The following CYB5R2 variants were observed in gnomAD, a reference collection of about 807,000 sequenced individuals.
The protein encoded by CYB5R2 is cytochrome b5 reductase 2, also known as NADH-cytochrome b5 reductase 2.
In CYB5R2, 35 loss-of-function variants were observed where a neutral mutation model predicts 29.8. That is an observed-to-expected ratio of 1.17 (90% CI 0.90 to 1.56). The LOEUF is 1.56. Among genes scored for constraint, CYB5R2 ranks in the 40% most tolerant of loss-of-function variants. The pLI is 0.00. For missense variants in CYB5R2, 419 were observed against 346.7 expected (o/e 1.21, Z -1.66); for synonymous variants, 169 against 130.6 (o/e 1.29, Z -2.01).
At chr11:7,667,669 A>T in intron 7 of CYB5R2, 59 bp downstream of exon 7, 2 of 1,473,684 alleles carry the variant, frequency 1.4e-6, no homozygotes, top group African/African-American at 2.8e-5. Flanking sequence ...AGAAATGAAA[A>T]CAAGAGCCCA....
chr11:7,668,390 ATGT>A lies in CYB5R2; in HGVS notation c.472+85_472+87del, dbSNP rs1351297905. On this transcript the variant is annotated intron_variant, in intron 6 of 8. Coordinates refer to ENST00000299498, the MANE Select transcript of CYB5R2 (RefSeq NM_016229.5). The stretch of plus-strand genomic sequence containing the variant: ...TCTACAGCTGGAGGCGAAATCTCTC[ATGT>A]TGTCCCTTAGAGGATCAAATGACTC... The A allele has an allele frequency of 6.8e-6, 7 of 1,032,570 alleles. No individual in the cohort carries two copies. The Admixed American group carries it at 8.4e-5, about 12-fold the overall frequency. The allele number at this position is 1,032,570 out of a possible 1,614,324, so 64.0% of individuals were successfully genotyped here. A position where few individuals can be genotyped will look rare whatever the true frequency, so the allele number is the denominator to read the frequency against.
intron 8 of CYB5R2, chr11:7,666,085 G>A (rs1320100336): frequency 6.2e-6 from 4 of 647,622 alleles, no homozygotes; most frequent in Non-Finnish European, 1.1e-5. Flanking sequence ...GGTAAGGGGT[G>A]TGGTGGCCGT....
At chr11:7,665,848 GCCAGCTGGAGTTGT>G in intron 8 of CYB5R2, 1 of 1,535,892 alleles carries the variant, frequency 6.5e-7, no homozygotes, top group Non-Finnish European at 8.7e-7. Flanking sequence ...AATCAGTACA[GCCAGCTGGAGTTGT>G]CCGGCAGGGT....
rs1263267734 is a variant in CYB5R2 at position 7,669,309 on chromosome 11, T to C, written c.284A>G (p.Gln95Arg). 2.5e-6 allele frequency: 4 copies of C among 1,613,554 alleles called. No homozygotes were observed. In the East Asian group the frequency reaches 8.9e-5, roughly 36 times the overall value. The change falls in exon 5 of 9, where the codon CAA (glutamine) becomes CGA (arginine). Residue 95 changes from glutamine (Q) to arginine (R), a missense_variant. Coordinates refer to ENST00000299498, the MANE Select transcript of CYB5R2 (RefSeq NM_016229.5). ...AGTCATCTTCCCACCTTCAGGATATTGGGGGTGTACATTTTTGAAGTAGAT... is the reference window on the plus strand; with the variant it reads ...AGTCATCTTCCCACCTTCAGGATATCGGGGGTGTACATTTTTGAAGTAGAT... ...IKIYFKNVHP[Q>R]YPEGGKMTQY...
At chr11:7,672,347 G>A (rs1280575123) in intron 3 of CYB5R2, 104 bp downstream of exon 3, 2 of 914,264 alleles carry the variant, frequency 2.2e-6, no homozygotes, top group Non-Finnish European at 1.7e-6. Context: ...GAGCAAGAGG[G>A]CATCTTCCAC....
At position 7,665,249 on chromosome 11, in the gene CYB5R2, C is replaced by G. The variant is rs1855034426; in HGVS notation, c.*125G>C. The G allele has an allele frequency of 1.2e-6, 1 of 813,704 alleles. No homozygotes were observed. Among genetic ancestry groups the G allele is most frequent in the South Asian group, 2.1e-5 (1 of 47,440 alleles). The allele number at this position is 813,704 out of a possible 1,614,324, so 50.4% of individuals were successfully genotyped here. On this transcript the variant is annotated 3_prime_UTR_variant, in exon 9 of 9. Transcript: ENST00000299498. The stretch of plus-strand genomic sequence containing the variant: ...TAGGCCCACACCCAAAAGAGGAGAA[C>G]CAGTGTGTGCGCGAAGGTACATGGC...
chr11:7,665,851 A>C, intron 8 of CYB5R2: 6 of 1,536,014 alleles, frequency 3.9e-6, no homozygotes, highest in Non-Finnish European at 5.2e-6. Flanking sequence ...CAGTACAGCC[A>C]GCTGGAGTTG....
chr11:7,667,864 C>T, intron 6 of CYB5R2, 51 bp from the exon 7 acceptor site: 1 of 1,452,254 alleles, frequency 6.9e-7, no homozygotes, highest in Non-Finnish European at 9.7e-7. Flanking sequence ...CTGAAGCCCA[C>T]AGTCCCTGAC....
upstream of CYB5R2, chr11:7,673,523 C>T (rs565241794): frequency 2.0e-6 from 2 of 985,714 alleles, no homozygotes; most frequent in South Asian, 4.7e-5. Context: ...TCCGAGCCGG[C>T]CCGCCCCACT....
chr11:7,674,164 T>C, upstream of CYB5R2: 2 of 1,235,338 alleles, frequency 1.6e-6, no homozygotes, highest in Non-Finnish European at 2.1e-6. Context: ...CGGAGGGGGA[T>C]GCTGGGGAAG....
rs759458174 is a variant in CYB5R2 at position 7,665,346 on chromosome 11, A to T, written c.*28T>A. ...TACTCTGAAACAGATGAAAAGGGAC[A>T]TGCAAAATTGCTGAGCACGTGGAGG... On this transcript the variant is annotated 3_prime_UTR_variant, in exon 9 of 9. Transcript: ENST00000299498. The T allele has an allele frequency of 1.1e-5, 16 of 1,473,676 alleles. No homozygotes were observed. The highest frequency in any genetic ancestry group is 1.4e-5 in the Non-Finnish European group (16 of 1,103,660). 91.3% of individuals were successfully genotyped at this position (1,473,676 alleles called of 1,614,324 possible).
chr11:7,665,538 A>G lies in CYB5R2; in HGVS notation c.667T>C (p.Tyr223His). The G allele has an allele frequency of 6.2e-7, 1 of 1,602,986 alleles. No individual in the cohort carries two copies. The highest frequency in any genetic ancestry group is 8.5e-7 in the Non-Finnish European group (1 of 1,175,914). ...TLDRPPIGWKYSSGFVTADMI... is the reference protein window; with the variant it reads ...TLDRPPIGWKHSSGFVTADMI... ...TCGGCAGTAACGAAGCCTGAGCTGT[A>G]CTTCCAGCCTGAAATGAAGGAGATG... The change falls in exon 9 of 9, where the codon TAC (tyrosine) becomes CAC (histidine). Residue 223 changes from tyrosine to histidine, a missense_variant. Transcript: ENST00000299498.
chr11:7,665,728 A>G (rs11041522), intron 8 of CYB5R2, 182 bp from the exon 9 acceptor site: 466,363 of 1,202,134 alleles, frequency 0.39, 96,138 homozygotes, highest in Non-Finnish European at 0.43. Flanking sequence ...CTCTGCAGCA[A>G]TCACCCCAGG....
At chr11:7,668,776 T>TCGC (rs1334431673) in intron 5 of CYB5R2, 7 of 607,314 alleles carry the variant, frequency 1.2e-5, no homozygotes, top group Non-Finnish European at 1.8e-5. Context: ...GGTCGGGGAA[T>TCGC]CGCCGGGCCT....
rs1442234910 is a variant in CYB5R2, at chr11:7,672,268, T to C, written c.151+183A>G. 8.6e-6 allele frequency: 5 copies of C among 580,010 alleles called. No individual in the cohort carries two copies. In the Admixed American group the frequency reaches 9.1e-5, roughly 11 times the overall value. The allele number at this position is 580,010 out of a possible 1,614,324, so 35.9% of individuals were successfully genotyped here. On this transcript the variant is annotated intron_variant, in intron 3 of 8. Transcript: ENST00000299498. ...TCTCGTGTCAGCCCAATTGGAATAA[T>C]GAAGAAAAGAAATTTTCTGTCCCAC... is the stretch of plus-strand genomic sequence containing the variant.
At chr11:7,669,959 T>G in intron 3 of CYB5R2, 1 of 517,478 alleles carries the variant, frequency 1.9e-6, no homozygotes, top group Non-Finnish European at 3.4e-6. Context: ...TGGGTTTTGG[T>G]CTCTTCATCT....
At chr11:7,668,427 G>C in intron 6 of CYB5R2, 51 bp downstream of exon 6, 1 of 1,387,190 alleles carries the variant, frequency 7.2e-7, no homozygotes, top group Non-Finnish European at 1.0e-6. Context: ...TCCCAAGTCA[G>C]AATGGGTCTC....
intron 3 of CYB5R2, 93 bp from the exon 4 acceptor site, chr11:7,669,824 A>C: frequency 2.3e-6 from 2 of 881,140 alleles, no homozygotes; most frequent in Non-Finnish European, 3.7e-6. Flanking sequence ...GGGAGCAAAT[A>C]CTGGGGGCAC....
chr11:7,669,579 TA>T (rs1855595300), intron 4 of CYB5R2, 45 bp downstream of exon 4: 2 of 1,467,756 alleles, frequency 1.4e-6, no homozygotes, highest in African/African-American at 2.8e-5. Context: ...CCACCCTCAG[TA>T]GGCTTGGAAG....
Sources: allele counts gnomAD v4.1 joint callset, GRCh38; gene constraint gnomAD v4.1.1; transcripts MANE v1.5; gene names NCBI Gene and HGNC (gene_info 2026-07-23, HGNC 2026-07-21).